CACNB2: variants seen among roughly 807,000 people sequenced by gnomAD.
CACNB2 encodes the protein voltage-dependent L-type calcium channel subunit beta-2.
CACNB2 carries 42 observed loss-of-function variants against 73.3 expected under a neutral mutation model. The observed-to-expected ratio is 0.57, with a 90% CI of 0.45 to 0.74. CACNB2 has a LOEUF of 0.74. Among genes scored for constraint, CACNB2 ranks in the 30% least tolerant of loss-of-function variants. The probability of loss-of-function intolerance (pLI) is 0.00; values close to 1 mark genes in which losing one functional copy is unlikely to be tolerated. For synonymous variants in CACNB2, 348 were observed against 310.3 expected (o/e 1.12, Z -1.28); for missense variants, 940 against 853.0 (o/e 1.10, Z -1.27).
At chr10:18,250,243 C>T (rs942501093) in intron 2 of CACNB2, among the ~76,000 whole-genome samples, 1 of 152,226 alleles carries the variant, frequency 6.6e-6, no homozygotes, top group Non-Finnish European at 1.5e-5. Context: ...ATAAATCAAG[C>T]TAGGTGTCCT....
intron 3 of CACNB2, among the ~76,000 whole-genome samples, chr10:18,441,232 C>T (rs2046394626): frequency 6.6e-6 from 1 of 152,034 alleles, no homozygotes; most frequent in African/African-American, 2.4e-5. Flanking sequence ...GGTGAAACCC[C>T]GTCTCTACTA....
chr10:18,310,101 T>C (rs945602571), intron 2 of CACNB2, among the ~76,000 whole-genome samples: 2 of 152,180 alleles, frequency 1.3e-5, no homozygotes, highest in African/African-American at 2.4e-5. Context: ...CAAATAGATT[T>C]TTTTTTTCAA....
chr10:18,327,977 C>T (rs1215826961), intron 2 of CACNB2, among the ~76,000 whole-genome samples: 1 of 152,104 alleles, frequency 6.6e-6, no homozygotes, highest in Non-Finnish European at 1.5e-5. Context: ...GTGTCAAATT[C>T]TTGAAGCAGA....
chr10:18,260,299 AC>A (rs1390226740), intron 2 of CACNB2: 16 of 352,126 alleles, frequency 4.5e-5, no homozygotes, highest in African/African-American at 3.3e-4. Flanking sequence ...GAGCTCTCAC[AC>A]TTGGAAGGCA....
intron 2 of CACNB2, among the ~76,000 whole-genome samples, chr10:18,293,766 A>G (rs1279333324): frequency 1.3e-5 from 2 of 152,208 alleles, no homozygotes; most frequent in African/African-American, 4.8e-5. Flanking sequence ...AATGACTGCC[A>G]TATTACAGAG....
intron 2 of CACNB2, among the ~76,000 whole-genome samples, chr10:18,385,383 C>A (rs1381066634): frequency 6.5e-5 from 9 of 137,708 alleles, no homozygotes; most frequent in Admixed American, 1.5e-4. Flanking sequence ...CCTCGCCCCC[C>A]ACAGGTTTTA....
intron 2 of CACNB2, among the ~76,000 whole-genome samples, chr10:18,168,054 A>G (rs2032978940): frequency 6.8e-6 from 1 of 147,176 alleles, no homozygotes; most frequent in Non-Finnish European, 1.5e-5. Context: ...CAGACATTCT[A>G]TATTCCCTAT....
At chr10:18,465,325 G>A (rs1188625259) in intron 3 of CACNB2, among the ~76,000 whole-genome samples, 3 of 152,106 alleles carry the variant, frequency 2.0e-5, no homozygotes, top group Admixed American at 2.0e-4. Context: ...GCAAGACTCT[G>A]TCTCAGTAAA....
intron 10 of CACNB2, among the ~76,000 whole-genome samples, chr10:18,531,169 C>T (rs1268225073): frequency 6.6e-6 from 1 of 152,198 alleles, no homozygotes; most frequent in African/African-American, 2.4e-5. Context: ...ACACTAGCCG[C>T]AATGAAAGTA....
intron 3 of CACNB2, among the ~76,000 whole-genome samples, chr10:18,410,946 C>A (rs951673018): frequency 6.6e-6 from 1 of 152,096 alleles, no homozygotes; most frequent in Non-Finnish European, 1.5e-5. Context: ...CGCCACTGCA[C>A]TCCAGCCTGG....
chr10:18,336,351 C>G (rs1342199664), intron 2 of CACNB2, among the ~76,000 whole-genome samples: 1 of 152,160 alleles, frequency 6.6e-6, no homozygotes, highest in African/African-American at 2.4e-5. Flanking sequence ...CCAGACATGG[C>G]AGCTGATGCT....
chr10:18,470,909 G>A (rs2048154232), intron 3 of CACNB2, among the ~76,000 whole-genome samples: 1 of 152,174 alleles, frequency 6.6e-6, no homozygotes, highest in African/African-American at 2.4e-5. Flanking sequence ...GAATGTATGA[G>A]CCAAGCATGC....
chr10:18,325,245 A>G (rs541694964), intron 2 of CACNB2, among the ~76,000 whole-genome samples: 1 of 152,344 alleles, frequency 6.6e-6, no homozygotes, highest in East Asian at 1.9e-4. Flanking sequence ...GCTAGAGTAC[A>G]GTGGCTCAGT....
chr10:18,232,779 C>G (rs1438070530), intron 2 of CACNB2, among the ~76,000 whole-genome samples: 1 of 152,132 alleles, frequency 6.6e-6, no homozygotes, highest in Non-Finnish European at 1.5e-5. Flanking sequence ...GTCCAAATAT[C>G]CCAGTATCTT....
At chr10:18,336,102 A>G (rs1474952580) in intron 2 of CACNB2, among the ~76,000 whole-genome samples, 1 of 152,224 alleles carries the variant, frequency 6.6e-6, no homozygotes, top group Non-Finnish European at 1.5e-5. Context: ...TGGCATCTAA[A>G]TATAATGTTT....
At chr10:18,286,025 T>G (rs1455572108) in intron 2 of CACNB2, among the ~76,000 whole-genome samples, 1 of 152,218 alleles carries the variant, frequency 6.6e-6, no homozygotes, top group African/African-American at 2.4e-5. Flanking sequence ...AACCCAAATC[T>G]GTGGTGTAGT....
At chr10:18,444,764 A>G (rs1187436734) in intron 3 of CACNB2, among the ~76,000 whole-genome samples, 1 of 152,238 alleles carries the variant, frequency 6.6e-6, no homozygotes, top group Non-Finnish European at 1.5e-5. Context: ...AGCCAATGCT[A>G]GCTAGCTTCC....
chr10:18,450,249 G>C (rs546527980), intron 3 of CACNB2, among the ~76,000 whole-genome samples: 2 of 152,104 alleles, frequency 1.3e-5, no homozygotes, highest in Non-Finnish European at 2.9e-5. Flanking sequence ...TAAATCACAG[G>C]GTTTGAGTTG....
At chr10:18,406,601 A>G (rs116365949) in intron 3 of CACNB2, among the ~76,000 whole-genome samples, 124 of 152,322 alleles carry the variant, frequency 8.1e-4, no homozygotes, top group African/African-American at 2.7e-3. Flanking sequence ...TCACCCCTGG[A>G]TGGGACCATC....
Sources: gnomAD v4.1 joint callset for allele counts (sites outside exome capture counted in the v4.1 genomes callset) on GRCh38, gnomAD v4.1.1 for gene constraint, MANE v1.5 for transcripts, NCBI Gene and HGNC (gene_info 2026-07-23, HGNC 2026-07-21) for gene names.